The following SETBP1 variants were observed in gnomAD, a reference collection of about 807,000 sequenced individuals.
The protein encoded by SETBP1 is SET binding protein 1.
SETBP1 carries 9 observed loss-of-function variants against 101.0 expected under a neutral mutation model. That is an observed-to-expected ratio of 0.09 (90% CI 0.05 to 0.16). The LOEUF (loss-of-function observed/expected upper bound fraction) is 0.16. SETBP1 is among the 10% of genes least tolerant of loss of function. The pLI is 1.00. For missense variants in SETBP1, 1,858 were observed against 2,033.8 expected, an observed-to-expected ratio of 0.91 and a Z score of 1.66; for synonymous variants, 818 against 788.5, an observed-to-expected ratio of 1.04 and a Z score of -0.63.
intron 2 of SETBP1, among the ~76,000 whole-genome samples, chr18:44,825,147 C>T (rs2072208459): frequency 6.6e-6 from 1 of 152,220 alleles, no homozygotes; most frequent in Non-Finnish European, 1.5e-5. Flanking sequence ...TGGAGTTAGA[C>T]TGGGATAGAT....
chr18:44,743,443 C>A (rs1397575205), intron 2 of SETBP1, among the ~76,000 whole-genome samples: 1 of 152,164 alleles, frequency 6.6e-6, no homozygotes, highest in Non-Finnish European at 1.5e-5. Flanking sequence ...GTAGAAAGTG[C>A]CCTTTTTGAA....
intron 2 of SETBP1, among the ~76,000 whole-genome samples, chr18:44,851,666 A>G (rs1009636991): frequency 3.3e-5 from 5 of 152,078 alleles, no homozygotes; most frequent in Non-Finnish European, 5.9e-5. Flanking sequence ...CAGGCACATA[A>G]TATGCTTTTT....
chr18:44,720,969 A>G (rs566471776), intron 2 of SETBP1, among the ~76,000 whole-genome samples: 54 of 130,650 alleles, frequency 4.1e-4, no homozygotes, highest in Non-Finnish European at 6.2e-5. Flanking sequence ...ATGCTTTAGG[A>G]CATCATACTG....
chr18:44,839,403 G>A (rs2072569179), intron 2 of SETBP1, among the ~76,000 whole-genome samples: 1 of 151,364 alleles, frequency 6.6e-6, no homozygotes, highest in East Asian at 2.0e-4. Context: ...GCAAACCTGG[G>A]TGTTGCTGCT....
At chr18:45,054,332 C>T (rs1403610442) in intron 5 of SETBP1, among the ~76,000 whole-genome samples, 1 of 152,058 alleles carries the variant, frequency 6.6e-6, no homozygotes, top group Non-Finnish European at 1.5e-5. Flanking sequence ...GGATTGCAGG[C>T]GTGCGCCACC....
intron 4 of SETBP1, among the ~76,000 whole-genome samples, chr18:45,028,640 G>T (rs1599467501): frequency 1.3e-5 from 2 of 152,194 alleles, no homozygotes; most frequent in Non-Finnish European, 1.5e-5. Context: ...GTGTAAAAGT[G>T]TTCCTATTTC....
intron 2 of SETBP1, among the ~76,000 whole-genome samples, chr18:44,849,595 C>A (rs926200865): frequency 6.6e-6 from 1 of 152,014 alleles, no homozygotes; most frequent in Admixed American, 6.5e-5. Flanking sequence ...GTAGCACATC[C>A]GTGACGCCCT....
At chr18:44,844,949 G>A (rs972034649) in intron 2 of SETBP1, among the ~76,000 whole-genome samples, 1 of 152,202 alleles carries the variant, frequency 6.6e-6, no homozygotes, top group African/African-American at 2.4e-5. Flanking sequence ...CATGCTTGGG[G>A]CCAGGAGAGA....
At chr18:44,737,601 G>A (rs1025571166) in intron 2 of SETBP1, among the ~76,000 whole-genome samples, 1 of 152,228 alleles carries the variant, frequency 6.6e-6, no homozygotes, top group Non-Finnish European at 1.5e-5. Flanking sequence ...TTTGCCCTGA[G>A]TGTGTAACCT....
intron 2 of SETBP1, among the ~76,000 whole-genome samples, chr18:44,791,221 G>C (rs2071364889): frequency 1.3e-5 from 2 of 152,122 alleles, no homozygotes; most frequent in Non-Finnish European, 2.9e-5. Flanking sequence ...TGTATCTAGT[G>C]GGTAGAGGCC....
chr18:45,058,671 A>G (rs1174614779), intron 5 of SETBP1, among the ~76,000 whole-genome samples: 1 of 152,218 alleles, frequency 6.6e-6, no homozygotes, highest in Non-Finnish European at 1.5e-5. Context: ...ATCTGAACTG[A>G]AAGTTTGGAT....
chr18:44,983,760 T>C (rs1225946863), intron 4 of SETBP1, among the ~76,000 whole-genome samples: 3 of 152,214 alleles, frequency 2.0e-5, no homozygotes, highest in Admixed American at 2.0e-4. Context: ...TGGTCTGTGA[T>C]GGTATGGAAC....
At chr18:45,016,137 C>T (rs919657398) in intron 4 of SETBP1, among the ~76,000 whole-genome samples, 3 of 152,178 alleles carry the variant, frequency 2.0e-5, no homozygotes, top group Non-Finnish European at 4.4e-5. Context: ...TAGAGGCAAA[C>T]AATTAGTTTG....
intron 2 of SETBP1, among the ~76,000 whole-genome samples, chr18:44,711,783 T>G (rs1238579792): frequency 6.8e-6 from 1 of 147,976 alleles, no homozygotes. Context: ...CAAGCAATCC[T>G]CCCGCTTCGG....
chr18:44,837,241 G>A (rs1309524774), intron 2 of SETBP1, among the ~76,000 whole-genome samples: 1 of 152,210 alleles, frequency 6.6e-6, no homozygotes, highest in Admixed American at 6.5e-5. Context: ...TGTGAACTGA[G>A]CACAGAATAA....
intron 3 of SETBP1, among the ~76,000 whole-genome samples, chr18:44,909,987 G>A (rs543294854): frequency 2.6e-5 from 4 of 152,280 alleles, no homozygotes; most frequent in East Asian, 1.9e-4. Context: ...CCAAGATTCC[G>A]TAGATTACAC....
At chr18:44,706,400 A>G (rs1054752320) in intron 2 of SETBP1, among the ~76,000 whole-genome samples, 1 of 151,622 alleles carries the variant, frequency 6.6e-6, no homozygotes, top group Non-Finnish European at 1.5e-5. Context: ...AGCCTGCCCA[A>G]CGTAGCAAAA....
chr18:45,053,644 A>G (rs2073759602), intron 5 of SETBP1, among the ~76,000 whole-genome samples: 1 of 152,186 alleles, frequency 6.6e-6, no homozygotes, highest in African/African-American at 2.4e-5. Context: ...ACTCACCATT[A>G]TATGTAATTC....
chr18:44,719,303 C>T (rs942007859), intron 2 of SETBP1, among the ~76,000 whole-genome samples: 4 of 152,132 alleles, frequency 2.6e-5, no homozygotes, highest in Non-Finnish European at 4.4e-5. Context: ...GAGAGCTGAC[C>T]ACTTCATGGA....
Sources: gnomAD v4.1 joint callset for allele counts (sites outside exome capture counted in the v4.1 genomes callset) on GRCh38, gnomAD v4.1.1 for gene constraint, MANE v1.5 for transcripts, NCBI Gene and HGNC (gene_info 2026-07-23, HGNC 2026-07-21) for gene names.